The following EXOC4 variants were observed in gnomAD, a reference collection of about 807,000 sequenced individuals.
The protein encoded by EXOC4 is exocyst complex component 4, also known as SEC8-like 1.
Under a neutral mutation model 107.2 loss-of-function variants are expected in EXOC4, and 71 were observed. The observed-to-expected ratio is 0.66, with a 90% CI of 0.55 to 0.81. EXOC4 has a LOEUF of 0.81. EXOC4 is among the 30% of genes least tolerant of loss of function. EXOC4 has a pLI of 0.00. For synonymous variants in EXOC4, 456 were observed against 441.2 expected (o/e 1.03, Z -0.42); for missense variants, 1,108 against 1,189.6 (o/e 0.93, Z 1.01).
chr7:133,634,059 C>T (rs1300193107), intron 10 of EXOC4, among the ~76,000 whole-genome samples: 1 of 152,196 alleles, frequency 6.6e-6, no homozygotes, highest in African/African-American at 2.4e-5. Context: ...TCCAACCACC[C>T]TTCTAAGAAT....
At chr7:133,585,543 T>C (rs1347233129) in intron 9 of EXOC4, among the ~76,000 whole-genome samples, 1 of 151,976 alleles carries the variant, frequency 6.6e-6, no homozygotes, top group Non-Finnish European at 1.5e-5. Flanking sequence ...GAAGGATCAC[T>C]TGAGCCTGGA....
chr7:133,831,194 A>ACTTCGTGATCCACCTGC (rs1400476296), intron 11 of EXOC4, among the ~76,000 whole-genome samples: 2 of 152,056 alleles, frequency 1.3e-5, no homozygotes, highest in African/African-American at 2.4e-5. Flanking sequence ...CGAACCCCTG[A>ACTTCGTGATCCACCTGC]CTTCGTGATC....
intron 5 of EXOC4, among the ~76,000 whole-genome samples, chr7:133,318,417 T>C (rs1382198972): frequency 6.6e-6 from 1 of 152,206 alleles, no homozygotes; most frequent in African/African-American, 2.4e-5. Context: ...GTTTCTCTGC[T>C]TTTGTAACTG....
chr7:133,810,822 A>G (rs1226928862), intron 10 of EXOC4, among the ~76,000 whole-genome samples: 4 of 151,878 alleles, frequency 2.6e-5, no homozygotes, highest in East Asian at 1.9e-4. Context: ...TTTAGTGGAG[A>G]CAGGGTTTTA....
At chr7:133,364,438 C>A (rs1220025448) in intron 6 of EXOC4, among the ~76,000 whole-genome samples, 3 of 151,698 alleles carry the variant, frequency 2.0e-5, no homozygotes, top group Non-Finnish European at 4.4e-5. Context: ...CCATGCCTGG[C>A]CAGTTTTAAT....
intron 15 of EXOC4, among the ~76,000 whole-genome samples, chr7:133,998,574 A>G (rs1003266755): frequency 6.6e-6 from 1 of 152,104 alleles, no homozygotes; most frequent in African/African-American, 2.4e-5. Context: ...CTGATGAACA[A>G]GCTGGGTGGG....
chr7:133,893,006 G>C (rs2116504646), intron 11 of EXOC4, among the ~76,000 whole-genome samples: 1 of 73,204 alleles, frequency 1.4e-5, no homozygotes, highest in South Asian at 6.8e-4. Context: ...TCATTGATCT[G>C]TCTAATGTTG....
intron 1 of EXOC4, among the ~76,000 whole-genome samples, chr7:133,260,250 A>C (rs1424386519): frequency 6.6e-6 from 1 of 151,466 alleles, no homozygotes; most frequent in Non-Finnish European, 1.5e-5. Context: ...TTATGAAGAC[A>C]TAGTGTAAGC....
At chr7:133,745,007 A>G (rs1562979899) in intron 10 of EXOC4, among the ~76,000 whole-genome samples, 1 of 152,156 alleles carries the variant, frequency 6.6e-6, no homozygotes, top group East Asian at 1.9e-4. Context: ...ATGCATAATC[A>G]CTTCTGGATC....
In EXOC4 at chr7:133,376,723, G is replaced by A. The variant is rs117499470; in HGVS notation, c.1182+1721G>A. Among the ~76,000 whole-genome samples, 650 of 152,306 alleles carry A rather than the reference G, an allele frequency of 4.3e-3. 2 individuals are homozygous for A. Among genetic ancestry groups the A allele is most frequent in the Non-Finnish European group, 6.9e-3 (472 of 68,024 alleles). On this transcript the variant is annotated intron_variant, in intron 7 of 17. Transcript: ENST00000253861. ...CTCAGCAGTGTTGGAGCTCAGACCA[G>A]CCAGTGTGGGGAAAGCTTGCTGAAC...
chr7:133,425,168 G>A (rs1430039827), intron 7 of EXOC4, among the ~76,000 whole-genome samples: 1 of 152,184 alleles, frequency 6.6e-6, no homozygotes, highest in African/African-American at 2.4e-5. Context: ...TGTTGGTAGG[G>A]AGTTGCTTTT....
intron 10 of EXOC4, among the ~76,000 whole-genome samples, chr7:133,815,952 T>C (rs1279691347): frequency 6.6e-6 from 1 of 152,216 alleles, no homozygotes; most frequent in Non-Finnish European, 1.5e-5. Flanking sequence ...TCCATTTTTA[T>C]AAAATGCCAC....
chr7:133,789,482 A>T (rs1796659123), intron 10 of EXOC4, among the ~76,000 whole-genome samples: 1 of 152,146 alleles, frequency 6.6e-6, no homozygotes, highest in African/African-American at 2.4e-5. Flanking sequence ...TTTCACACTG[A>T]TGATATAGGA....
At chr7:133,295,669 G>A (rs1794503092) in intron 3 of EXOC4, among the ~76,000 whole-genome samples, 1 of 152,086 alleles carries the variant, frequency 6.6e-6, no homozygotes, top group African/African-American at 2.4e-5. Flanking sequence ...GCTTCTATTT[G>A]TGTCAGTAAA....
chr7:133,260,394 C>T (rs1584756773), intron 1 of EXOC4, among the ~76,000 whole-genome samples: 2 of 152,042 alleles, frequency 1.3e-5, no homozygotes, highest in East Asian at 3.9e-4. Context: ...CTGCTTCAGC[C>T]TCCTGAGTAG....
rs142919401 is a variant in EXOC4, at chr7:133,712,710, C to T, written c.1514+82569C>T. Among the ~76,000 whole-genome samples, 20 of 152,128 alleles carry T rather than the reference C, an allele frequency of 1.3e-4. No individual in the cohort carries two copies. In the East Asian group the frequency reaches 1.4e-3, roughly 10 times the overall value. ...GAAAGATAGAAATAGCCCAAATAGC[C>T]GTCAGCAAATATATGGATAAACAAA... On this transcript the variant is annotated intron_variant, in intron 10 of 17. Transcript: ENST00000253861.
chr7:133,645,086 C>CT (rs35058872), intron 10 of EXOC4, among the ~76,000 whole-genome samples: 66,119 of 123,122 alleles, frequency 0.54, 18,413 homozygotes, highest in South Asian at 0.64. Context: ...CTTCTGCCAC[C>CT]TTTTTTTTTT....
chr7:134,031,121 G>A (rs755178840), intron 17 of EXOC4, among the ~76,000 whole-genome samples: 6 of 152,284 alleles, frequency 3.9e-5, no homozygotes, highest in South Asian at 2.1e-4. Flanking sequence ...GGAGAATAGC[G>A]GGGAAGGGGA....
intron 9 of EXOC4, among the ~76,000 whole-genome samples, chr7:133,555,041 T>G (rs2150945253): frequency 6.6e-6 from 1 of 152,312 alleles, no homozygotes; most frequent in Middle Eastern, 3.4e-3. Flanking sequence ...TGTGGATTAA[T>G]TCCTGTGACA....
Sources: allele counts gnomAD v4.1 joint callset (sites outside exome capture counted in the v4.1 genomes callset), GRCh38; gene constraint gnomAD v4.1.1; transcripts MANE v1.5; gene names NCBI Gene and HGNC (gene_info 2026-07-23, HGNC 2026-07-21).